Variants in RALGPS1 observed in about 807,000 individuals in gnomAD.
RALGPS1 encodes the protein ras-specific guanine nucleotide-releasing factor RalGPS1.
RALGPS1 carries 19 observed loss-of-function variants against 78.8 expected under a neutral mutation model. That is an observed-to-expected ratio of 0.24 (90% confidence interval 0.17 to 0.35). RALGPS1 has a LOEUF of 0.35. RALGPS1 is among the 10% of genes least tolerant of loss of function. The pLI, the probability that RALGPS1 is intolerant of heterozygous loss-of-function variation, is 1.00. For synonymous variants in RALGPS1, 228 were observed against 256.3 expected (o/e 0.89, Z 1.06); for missense variants, 454 against 688.3 (o/e 0.66, Z 3.81).
At chr9:126,928,662 C>T (rs2035524160) in intron 1 of RALGPS1, among the ~76,000 whole-genome samples, 1 of 151,824 alleles carries the variant, frequency 6.6e-6, no homozygotes, top group Non-Finnish European at 1.5e-5. Flanking sequence ...AGTGCAGTGG[C>T]ACAATCTTGG....
intron 8 of RALGPS1, among the ~76,000 whole-genome samples, chr9:127,162,392 G>T (rs141388256): frequency 0.019 from 2,884 of 152,320 alleles, 48 homozygotes; most frequent in Middle Eastern, 0.027. Flanking sequence ...TATAGTTTAG[G>T]CTTATACATA....
chr9:126,936,960 C>T (rs2036323084), intron 1 of RALGPS1, among the ~76,000 whole-genome samples: 2 of 151,788 alleles, frequency 1.3e-5, no homozygotes, highest in Non-Finnish European at 2.9e-5. Context: ...AGGTGATTCT[C>T]CTGCCTTAGC....
chr9:127,130,981 GTATT>G (rs1337789209), intron 8 of RALGPS1, among the ~76,000 whole-genome samples: 1 of 152,196 alleles, frequency 6.6e-6, no homozygotes, highest in African/African-American at 2.4e-5. Context: ...TTTAAAATTT[GTATT>G]TATTCTTGTT....
At chr9:127,042,488 T>A (rs2047404650) in intron 5 of RALGPS1, among the ~76,000 whole-genome samples, 1 of 152,074 alleles carries the variant, frequency 6.6e-6, no homozygotes, top group Admixed American at 6.5e-5. Flanking sequence ...AAAAAAAATC[T>A]CAGCCAATTA....
chr9:127,036,987 T>TG (rs2046916719), intron 5 of RALGPS1, among the ~76,000 whole-genome samples: 1 of 152,176 alleles, frequency 6.6e-6, no homozygotes, highest in Non-Finnish European at 1.5e-5. Flanking sequence ...CAGGCCTGGG[T>TG]GTGAGTCTTA....
intron 11 of RALGPS1, among the ~76,000 whole-genome samples, chr9:127,185,018 G>A (rs78884596): frequency 0.012 from 1,836 of 152,268 alleles, 42 homozygotes; most frequent in African/African-American, 0.042. Flanking sequence ...CCGCAGCCAT[G>A]AGCACTATGC....
chr9:127,133,082 G>T (rs924282018), intron 8 of RALGPS1, among the ~76,000 whole-genome samples: 1 of 152,234 alleles, frequency 6.6e-6, no homozygotes, highest in Non-Finnish European at 1.5e-5. Flanking sequence ...ACATGTACAT[G>T]TTAGGTGCAT....
intron 8 of RALGPS1, chr9:127,108,414 C>A: frequency 6.2e-7 from 1 of 1,608,652 alleles, no homozygotes; most frequent in Non-Finnish European, 8.5e-7. Context: ...CCAGCTGCTG[C>A]AGCGTCTCGA....
chr9:126,953,681 T>C (rs2038079725), intron 1 of RALGPS1, among the ~76,000 whole-genome samples: 1 of 152,228 alleles, frequency 6.6e-6, no homozygotes, highest in African/African-American at 2.4e-5. Flanking sequence ...ATTGTCTCAA[T>C]GACAATGATC....
intron 3 of RALGPS1, among the ~76,000 whole-genome samples, chr9:126,977,351 A>C (rs1319642051): frequency 6.6e-6 from 1 of 152,252 alleles, no homozygotes; most frequent in Non-Finnish European, 1.5e-5. Context: ...AAAATTACAA[A>C]AGTAGTTCAT....
chr9:127,105,541 G>A (rs1253447182), intron 8 of RALGPS1, among the ~76,000 whole-genome samples: 1 of 152,158 alleles, frequency 6.6e-6, no homozygotes, highest in East Asian at 1.9e-4. Flanking sequence ...GAAGTGCCAC[G>A]TCTATCTAAT....
At chr9:127,027,184 C>T (rs979195688) in intron 4 of RALGPS1, among the ~76,000 whole-genome samples, 1 of 152,138 alleles carries the variant, frequency 6.6e-6, no homozygotes, top group Non-Finnish European at 1.5e-5. Context: ...TCTCATTTGA[C>T]GAGGGTAGTA....
intron 3 of RALGPS1, among the ~76,000 whole-genome samples, chr9:126,970,616 AGTGTGT>A (rs56406500): frequency 0.38 from 56,642 of 150,988 alleles, 12,338 homozygotes; most frequent in Non-Finnish European, 0.48. Context: ...ATGATCTAAG[AGTGTGT>A]GTGTGTGTGT....
At chr9:127,135,718 T>C (rs2057348123) in intron 8 of RALGPS1, among the ~76,000 whole-genome samples, 1 of 151,882 alleles carries the variant, frequency 6.6e-6, no homozygotes. Flanking sequence ...GTGAAGGCGG[T>C]AGGGGAGGAA....
intron 8 of RALGPS1, among the ~76,000 whole-genome samples, chr9:127,128,395 T>C (rs1400046865): frequency 6.6e-6 from 1 of 152,252 alleles, no homozygotes; most frequent in Admixed American, 6.5e-5. Context: ...CATAGTCTAA[T>C]TGGCAGCACT....
At chr9:127,108,812 G>A in intron 8 of RALGPS1, 2 of 1,409,434 alleles carry the variant, frequency 1.4e-6, no homozygotes, top group South Asian at 1.4e-5. Context: ...AATCAGTGAT[G>A]GTCCCACCAC....
intron 4 of RALGPS1, among the ~76,000 whole-genome samples, chr9:126,996,838 T>G (rs1449776878): frequency 5.3e-5 from 8 of 151,626 alleles, no homozygotes; most frequent in African/African-American, 1.7e-4. Context: ...TCCACCATGA[T>G]CAAGTGGGCT....
At chr9:126,918,708 T>C (rs1287589996) in intron 1 of RALGPS1, among the ~76,000 whole-genome samples, 2 of 151,118 alleles carry the variant, frequency 1.3e-5, no homozygotes, top group African/African-American at 4.9e-5. Flanking sequence ...GTTTCACTCT[T>C]GTTGCCCAGG....
chr9:127,080,323 A>G (rs2136120124), intron 8 of RALGPS1, among the ~76,000 whole-genome samples: 1 of 152,310 alleles, frequency 6.6e-6, no homozygotes, highest in African/African-American at 2.4e-5. Flanking sequence ...AAATATTACA[A>G]AAGTAACACA....
Sources: allele counts gnomAD v4.1 joint callset (sites outside exome capture counted in the v4.1 genomes callset), GRCh38; gene constraint gnomAD v4.1.1; transcripts MANE v1.5; gene names NCBI Gene and HGNC (gene_info 2026-07-23, HGNC 2026-07-21).